TAOK3: variants seen among roughly 807,000 people sequenced by gnomAD.
The protein encoded by TAOK3 is TAO kinase 3, also known as serine/threonine-protein kinase TAO3.
In TAOK3, 40 loss-of-function variants were observed where a neutral mutation model predicts 120.4. The observed-to-expected ratio is 0.33, with a 90% CI of 0.26 to 0.43. The LOEUF is 0.43. Ranked by LOEUF, TAOK3 falls within the 20% of genes least tolerant of loss-of-function variation. The pLI is 1.00. For missense variants in TAOK3, 821 were observed against 1,112.1 expected (o/e 0.74, Z 3.72); for synonymous variants, 355 against 387.5 (o/e 0.92, Z 0.99).
chr12:118,238,066 A>C lies in TAOK3; in HGVS notation c.437+7T>G, dbSNP rs373403699. The C allele has an allele frequency of 4.8e-5, 75 of 1,573,052 alleles. No individual in the cohort carries two copies. The highest frequency in any genetic ancestry group is 6.4e-5 in the Non-Finnish European group (74 of 1,147,766). On this transcript the variant is annotated splice_region_variant and intron_variant, in intron 7 of 20. Transcript: ENST00000392533. The stretch of plus-strand genomic sequence containing the variant: ...TGAAAAGAAACATAACTGGTCTCTA[A>C]TCTTACCTATGAATCAATGCATGAG...
chr12:118,280,858 C>A (rs1023720186), intron 1 of TAOK3, among the ~76,000 whole-genome samples: 2 of 152,162 alleles, frequency 1.3e-5, no homozygotes, highest in African/African-American at 2.4e-5. Flanking sequence ...TTGTTTTTGT[C>A]ATCTCTGATT....
At chr12:118,267,146 T>C (rs1370401691) in intron 1 of TAOK3, among the ~76,000 whole-genome samples, 4 of 152,216 alleles carry the variant, frequency 2.6e-5, no homozygotes, top group Non-Finnish European at 5.9e-5. Flanking sequence ...TGATTTGCAT[T>C]GATTACTCTA....
At chr12:118,171,845 C>A (rs1455973927) in intron 17 of TAOK3, among the ~76,000 whole-genome samples, 1 of 152,210 alleles carries the variant, frequency 6.6e-6, no homozygotes, top group African/African-American at 2.4e-5. Context: ...TCACACTCAT[C>A]TTTTCATCAA....
chr12:118,301,076 T>C (rs1341299958), intron 1 of TAOK3, among the ~76,000 whole-genome samples: 2 of 152,132 alleles, frequency 1.3e-5, no homozygotes, highest in Non-Finnish European at 2.9e-5. Flanking sequence ...GCATCCTGCC[T>C]ATTTTTAAAA....
chr12:118,313,025 C>CG (rs1376814312), intron 1 of TAOK3, among the ~76,000 whole-genome samples: 1 of 152,060 alleles, frequency 6.6e-6, no homozygotes, highest in African/African-American at 2.4e-5. Flanking sequence ...ATCCCTAACA[C>CG]TAAAGACGGA....
intron 1 of TAOK3, among the ~76,000 whole-genome samples, chr12:118,364,838 G>C (rs2045700469): frequency 6.6e-6 from 1 of 152,194 alleles, no homozygotes; most frequent in South Asian, 2.1e-4. Context: ...CTGGGAGGCG[G>C]ATGTTGCAGT....
intron 1 of TAOK3, among the ~76,000 whole-genome samples, chr12:118,291,306 G>C (rs928157166): frequency 2.6e-5 from 4 of 151,602 alleles, no homozygotes; most frequent in African/African-American, 9.7e-5. Context: ...ACAGGCATCT[G>C]CCACCATGCC....
chr12:118,235,226 C>T (rs2039971751), intron 8 of TAOK3, among the ~76,000 whole-genome samples: 1 of 152,130 alleles, frequency 6.6e-6, no homozygotes, highest in African/African-American at 2.4e-5. Context: ...AGAAGCTGCC[C>T]TGTCCTTACC....
intron 17 of TAOK3, among the ~76,000 whole-genome samples, chr12:118,169,403 G>T (rs1296841925): frequency 1.4e-5 from 2 of 140,238 alleles, no homozygotes; most frequent in African/African-American, 5.4e-5. Context: ...TGCAAGCTCT[G>T]CCTCCTGGGT....
intron 1 of TAOK3, among the ~76,000 whole-genome samples, chr12:118,279,245 T>C (rs1400491880): frequency 1.3e-5 from 2 of 152,232 alleles, no homozygotes; most frequent in African/African-American, 4.8e-5. Context: ...TGTCTGTTCA[T>C]GTCCTTTGCC....
At chr12:118,365,435 G>A (rs548594759) in intron 1 of TAOK3, among the ~76,000 whole-genome samples, 164 of 151,748 alleles carry the variant, frequency 1.1e-3, no homozygotes, top group Middle Eastern at 6.8e-3. Flanking sequence ...CGGGGGCGGG[G>A]GCGGTGTTTC....
At chr12:118,219,770 C>CTTTTT (rs35568926) in intron 9 of TAOK3, among the ~76,000 whole-genome samples, 16 of 58,836 alleles carry the variant, frequency 2.7e-4, no homozygotes, top group African/African-American at 6.3e-4. Context: ...ACTTTTTTGG[C>CTTTTT]TTTTTTTTTT....
chr12:118,348,637 A>G (rs1451777488), intron 1 of TAOK3, among the ~76,000 whole-genome samples: 1 of 151,872 alleles, frequency 6.6e-6, no homozygotes, highest in Non-Finnish European at 1.5e-5. Context: ...TTTTTAGTAG[A>G]GACAGGGTTT....
chr12:118,259,129 A>G (rs1022927821), intron 2 of TAOK3, among the ~76,000 whole-genome samples: 4 of 152,238 alleles, frequency 2.6e-5, no homozygotes, highest in African/African-American at 7.2e-5. Flanking sequence ...CTAAAAATCA[A>G]TAACTGTAAC....
At chr12:118,217,816 C>CATACATAT (rs2038997947) in intron 9 of TAOK3, among the ~76,000 whole-genome samples, 1 of 45,972 alleles carries the variant, frequency 2.2e-5, no homozygotes, top group African/African-American at 8.1e-5. Flanking sequence ...TGTGTGTATA[C>CATACATAT]ATATATATAT....
intron 1 of TAOK3, chr12:118,297,071 G>A (rs1326322224): frequency 6.6e-6 from 1 of 152,108 alleles, no homozygotes; most frequent in Non-Finnish European, 1.5e-5. Context: ...GCTGCTCCTG[G>A]AAAGATTTCT....
intron 1 of TAOK3, among the ~76,000 whole-genome samples, chr12:118,275,131 A>C (rs2041860938): frequency 6.6e-6 from 1 of 152,066 alleles, no homozygotes; most frequent in African/African-American, 2.4e-5. Flanking sequence ...TTTCATTTAA[A>C]AAAAAGTTTC....
At chr12:118,303,066 A>G (rs971038485) in intron 1 of TAOK3, among the ~76,000 whole-genome samples, 6 of 152,218 alleles carry the variant, frequency 3.9e-5, no homozygotes, top group African/African-American at 1.4e-4. Flanking sequence ...CACCACTCTC[A>G]TTCCTTTACT....
chr12:118,162,709 TAC>T (rs1297612311), intron 17 of TAOK3, among the ~76,000 whole-genome samples: 2 of 152,230 alleles, frequency 1.3e-5, no homozygotes, highest in African/African-American at 2.4e-5. Flanking sequence ...TCTTCTGCAT[TAC>T]AGTCTGTTTG....
Sources: allele counts gnomAD v4.1 joint callset (sites outside exome capture counted in the v4.1 genomes callset), GRCh38; gene constraint gnomAD v4.1.1; transcripts MANE v1.5; gene names NCBI Gene and HGNC (gene_info 2026-07-23, HGNC 2026-07-21).